The following COPB1 variants were observed in gnomAD, a reference collection of about 807,000 sequenced individuals.
COPB1 encodes the protein coat protein complex I subunit beta 1.
A neutral mutation model predicts 108.7 loss-of-function variants in COPB1; 21 were observed. That is an observed-to-expected ratio of 0.19 (90% CI 0.14 to 0.28). The LOEUF (loss-of-function observed/expected upper bound fraction) is 0.28. Ranked by LOEUF, COPB1 falls within the 10% of genes least tolerant of loss-of-function variation. The pLI is 1.00. For synonymous variants in COPB1, 378 were observed against 386.8 expected (o/e 0.98, Z 0.27); for missense variants, 919 against 1,141.3 (o/e 0.81, Z 2.81).
At position 14,483,073 on chromosome 11, in the gene COPB1, T is replaced by C. The variant is rs1850697059; in HGVS notation, c.916A>G (p.Ile306Val). 3.8e-6 allele frequency: 6 copies of C among 1,582,558 alleles called. No homozygotes were observed. The highest frequency in any genetic ancestry group is 1.3e-5 in the African/African-American group (1 of 74,774). The change falls in exon 8 of 22, where the codon ATA becomes GTA. Residue 306 changes from isoleucine (I) to valine (V), a missense_variant. Coordinates refer to ENST00000439561, the MANE Select transcript of COPB1 (RefSeq NM_001144061.2). ...TGAGCAGGATGCTCTTTTAATTCTA[T>C]CAAGCGATCCAAAACTATGAGTTTT... ...NVKLIVLDRLIELKEHPAHER... is the reference protein window; with the variant it reads ...NVKLIVLDRLVELKEHPAHER...
chr11:14,480,645 C>T (rs1850640871), intron 10 of COPB1, 114 bp downstream of exon 10: 1 of 976,524 alleles, frequency 1.0e-6, no homozygotes, highest in African/African-American at 1.7e-5. Context: ...TCACTTCTCA[C>T]CATGAGATTT....
intron 4 of COPB1, 40 bp from the exon 5 acceptor site, chr11:14,490,719 C>G (rs1414109936): frequency 9.2e-7 from 1 of 1,091,292 alleles, no homozygotes; most frequent in Non-Finnish European, 1.4e-6. Context: ...TAATAAAAGC[C>G]TACTTTACTA....
intron 2 of COPB1, among the ~76,000 whole-genome samples, chr11:14,497,085 A>G (rs563203869): frequency 6.6e-6 from 1 of 152,334 alleles, no homozygotes; most frequent in Admixed American, 6.5e-5. Context: ...CTATGAAACT[A>G]CTACAAGAAA....
At position 14,480,770 on chromosome 11, in the gene COPB1, C is replaced by G; in HGVS notation, c.1201G>C (p.Val401Leu). The change falls in exon 10 of 22, where the codon GTT (valine) becomes CTT (leucine). Residue 401 changes from valine (V) to leucine (L), a missense_variant. Coordinates refer to ENST00000439561, the MANE Select transcript of COPB1 (RefSeq NM_001144061.2). ...SVRFPDMAAN[V>L]IPVLMEFLSD... Reference sequence around the variant, plus strand: ...TCAGAATTACATACCACAGGAATAACATTTGCAGCCATATCTGGAAATCGG... The same window carrying G: ...TCAGAATTACATACCACAGGAATAAGATTTGCAGCCATATCTGGAAATCGG... The G allele has an allele frequency of 6.2e-7, 1 of 1,613,386 alleles. No individual in the cohort carries two copies. Among genetic ancestry groups the G allele is most frequent in the Non-Finnish European group, 8.5e-7 (1 of 1,179,790 alleles).
At chr11:14,460,003 G>T in intron 20 of COPB1, 1 of 439,830 alleles carries the variant, frequency 2.3e-6, no homozygotes, top group South Asian at 5.3e-5. Context: ...TATTCAGTTG[G>T]GTCACTGCAC....
chr11:14,466,484 C>A, intron 16 of COPB1, 58 bp from the exon 17 acceptor site: 1 of 1,543,712 alleles, frequency 6.5e-7, no homozygotes, highest in Non-Finnish European at 8.8e-7. Flanking sequence ...ACCAAACATA[C>A]CCTGGCCAAA....
intron 1 of COPB1, 45 bp from the exon 2 acceptor site, chr11:14,499,030 AAACCCAC>A (rs956928807): frequency 6.1e-6 from 6 of 982,122 alleles, no homozygotes; most frequent in Non-Finnish European, 8.9e-6. Context: ...TAAAAAAAAA[AAACCCAC>A]AAACAAGTAC....
chr11:14,490,510 C>A (rs1850874058), intron 5 of COPB1, 55 bp downstream of exon 5: 1 of 1,005,908 alleles, frequency 9.9e-7, no homozygotes, highest in South Asian at 1.5e-5. Context: ...CTATGTAATA[C>A]TTTCAATTGT....
chr11:14,498,891 T>G lies in COPB1; in HGVS notation c.38A>C (p.Asn13Thr). The change falls in exon 2 of 22, where the codon AAC becomes ACC. Residue 13 changes from asparagine to threonine, a missense_variant. Physicochemically the swap from Asn to Thr is moderately conservative, Grantham distance 65. Transcript: ENST00000439561. ...AAENVCYTLI[N>T]VPMDSEPPSE... ...TGGTGGTTCTGAATCCATTGGCACG[T>G]TAATTAACGTGTAGCATACGTTCTC... 3 of 1,611,394 alleles carry G rather than the reference T, an allele frequency of 1.9e-6. No homozygotes were observed. Among genetic ancestry groups the G allele is most frequent in the South Asian group, 2.2e-5 (2 of 90,006 alleles).
chr11:14,492,354 A>AT (rs1375133002), intron 4 of COPB1, among the ~76,000 whole-genome samples: 40 of 151,634 alleles, frequency 2.6e-4, no homozygotes, highest in Non-Finnish European at 1.5e-5. Flanking sequence ...TTTTATTATT[A>AT]TTTTTTGAGA....
chr11:14,476,617 C>A (rs2134108806), intron 12 of COPB1, among the ~76,000 whole-genome samples: 1 of 152,258 alleles, frequency 6.6e-6, no homozygotes, highest in African/African-American at 2.4e-5. Context: ...GATAATTAGT[C>A]CACTGTTCTT....
chr11:14,463,500 T>C, intron 18 of COPB1, among the ~76,000 whole-genome samples: 1 of 152,146 alleles, frequency 6.6e-6, no homozygotes, highest in East Asian at 1.9e-4. Flanking sequence ...GTATTTTTAG[T>C]AGAGACAGGA....
intron 21 of COPB1, among the ~76,000 whole-genome samples, 191 bp from the exon 22 acceptor site, chr11:14,458,074 A>ATTT (rs748562590): frequency 0.023 from 2,269 of 100,598 alleles, 85 homozygotes; most frequent in African/African-American, 0.039. Context: ...CCGTCACCAG[A>ATTT]TTTTTTTTTT....
intron 8 of COPB1, 60 bp downstream of exon 8, chr11:14,482,971 AG>A (rs1333705641): frequency 7.0e-7 from 1 of 1,428,436 alleles, no homozygotes; most frequent in Non-Finnish European, 9.4e-7. Flanking sequence ...GCAAAGCTTG[AG>A]AATGACCTAA....
intron 4 of COPB1, among the ~76,000 whole-genome samples, chr11:14,493,210 T>C (rs1255023157): frequency 6.6e-6 from 1 of 152,198 alleles, no homozygotes; most frequent in African/African-American, 2.4e-5. Context: ...GACTCAGTTA[T>C]AACTGTAGCC....
At position 14,481,065 on chromosome 11, in the gene COPB1, G is replaced by A; in HGVS notation, c.990C>T (p.Ser330=). The A allele has an allele frequency of 1.2e-6, 2 of 1,613,426 alleles. No homozygotes were observed. The highest frequency in any genetic ancestry group is 2.2e-5 in the East Asian group (1 of 44,844). The change falls in exon 9 of 22, where the codon AGC becomes AGT. Residue 330 remains serine, a synonymous_variant. Transcript: ENST00000439561. Reference sequence around the variant, plus strand: ...TCTTTCGTACTTCTAAGTCTGGTGTGCTCAATACTCTTAGGATATCCATAA... The same window carrying A: ...TCTTTCGTACTTCTAAGTCTGGTGTACTCAATACTCTTAGGATATCCATAA... ...DLVMDILRVL[S]TPDLEVRKKT...
Position 14,458,693 on chromosome 11 carries a change from A to C in COPB1, c.2647-6T>G, listed in dbSNP as rs761161425. The C allele has an allele frequency of 3.1e-6, 5 of 1,609,142 alleles. No homozygotes were observed. Among genetic ancestry groups the C allele is most frequent in the Non-Finnish European group, 4.2e-6 (5 of 1,178,296 alleles). On this transcript the variant is annotated splice_polypyrimidine_tract_variant and splice_region_variant and intron_variant, in intron 20 of 21. Transcript: ENST00000439561. ...CCACAGTAACCAGAAAGGGCCTGGAAAAAATTTGTGATAAATTCATTACTT... is the reference window on the plus strand; with the variant it reads ...CCACAGTAACCAGAAAGGGCCTGGACAAAATTTGTGATAAATTCATTACTT...
At position 14,486,509 on chromosome 11, in the gene COPB1, A is replaced by G; in HGVS notation, c.700-5T>C. ...TGATGGATTAGCATGACAGACCTGGAGAAGAAAACATTAACATTTCAACCG... is the reference window on the plus strand; with the variant it reads ...TGATGGATTAGCATGACAGACCTGGGGAAGAAAACATTAACATTTCAACCG... On this transcript the variant is annotated splice_region_variant and splice_polypyrimidine_tract_variant and intron_variant, in intron 6 of 21. Transcript: ENST00000439561. 6.2e-7 allele frequency: 1 copy of G among 1,612,060 alleles called. No individual in the cohort carries two copies. The highest frequency in any genetic ancestry group is 8.5e-7 in the Non-Finnish European group (1 of 1,179,380).
chr11:14,464,845 C>A, intron 18 of COPB1, 66 bp downstream of exon 18: 1 of 1,547,932 alleles, frequency 6.5e-7, no homozygotes, highest in Non-Finnish European at 8.8e-7. Context: ...ATGTCCCCAG[C>A]TACTCACTAT....
Sources: allele counts gnomAD v4.1 joint callset (sites outside exome capture counted in the v4.1 genomes callset), GRCh38; gene constraint gnomAD v4.1.1; transcripts MANE v1.5; gene names NCBI Gene and HGNC (gene_info 2026-07-23, HGNC 2026-07-21).